The following SLC22A3 variants were observed in gnomAD, a reference collection of about 807,000 sequenced individuals.
SLC22A3 encodes solute carrier family 22 member 3.
SLC22A3 carries 51 observed loss-of-function variants against 59.1 expected under a neutral mutation model. That is an observed-to-expected ratio of 0.86 (90% CI 0.69 to 1.09). SLC22A3 has a LOEUF of 1.09. Among genes scored for constraint, SLC22A3 ranks in the 50% least tolerant of loss-of-function variants. The probability of loss-of-function intolerance (pLI) is 0.00; values close to 1 mark genes in which losing one functional copy is unlikely to be tolerated. For synonymous variants in SLC22A3, 325 were observed against 292.0 expected (o/e 1.11, Z -1.15); for missense variants, 711 against 726.3 (o/e 0.98, Z 0.24).
At chr6:160,438,345 C>G (rs1410093390) in intron 7 of SLC22A3, among the ~76,000 whole-genome samples, 1 of 152,068 alleles carries the variant, frequency 6.6e-6, no homozygotes, top group East Asian at 1.9e-4. Context: ...CCAGGAAAGG[C>G]AAAGTGGGGA....
chr6:160,378,634 C>T (rs1036235463), intron 1 of SLC22A3, among the ~76,000 whole-genome samples: 1 of 152,138 alleles, frequency 6.6e-6, no homozygotes, highest in Admixed American at 6.5e-5. Flanking sequence ...GGATCACATC[C>T]AGATACACCC....
At chr6:160,423,469 TTCTCCACATCC>T (rs1193699127) in intron 5 of SLC22A3, among the ~76,000 whole-genome samples, 25 of 145,450 alleles carry the variant, frequency 1.7e-4, no homozygotes, top group Non-Finnish European at 3.0e-4. Context: ...GTGTTTCTAT[TTCTCCACATCC>T]TCTCCAGCAC....
At chr6:160,432,156 A>C (rs1788172868) in intron 5 of SLC22A3, among the ~76,000 whole-genome samples, 1 of 152,198 alleles carries the variant, frequency 6.6e-6, no homozygotes. Flanking sequence ...CATTGGCCCG[A>C]ATTGGGTTGT....
At chr6:160,355,597 T>TGA (rs1784808051) in intron 1 of SLC22A3, among the ~76,000 whole-genome samples, 1 of 143,562 alleles carries the variant, frequency 7.0e-6, no homozygotes, top group African/African-American at 2.6e-5. Flanking sequence ...CCGTCTCTAC[T>TGA]AAAAAAAAAA....
intron 1 of SLC22A3, among the ~76,000 whole-genome samples, chr6:160,366,073 A>G (rs1785194268): frequency 6.6e-6 from 1 of 152,160 alleles, no homozygotes; most frequent in Non-Finnish European, 1.5e-5. Context: ...TTGGGTGGGA[A>G]CACAGCCAAA....
At chr6:160,387,294 T>A (rs1018251705) in intron 1 of SLC22A3, among the ~76,000 whole-genome samples, 3 of 152,038 alleles carry the variant, frequency 2.0e-5, no homozygotes, top group African/African-American at 7.2e-5. Context: ...GGGAGGAGCA[T>A]TGGACAGAGG....
intron 5 of SLC22A3, among the ~76,000 whole-genome samples, chr6:160,433,548 A>ACTACTACTG (rs1400082272): frequency 2.6e-5 from 4 of 151,078 alleles, no homozygotes; most frequent in Non-Finnish European, 3.0e-5. Flanking sequence ...TACTACTACT[A>ACTACTACTG]CTGCTACTAA....
chr6:160,394,230 A>G (rs1786381438), intron 1 of SLC22A3, among the ~76,000 whole-genome samples: 1 of 152,232 alleles, frequency 6.6e-6, no homozygotes, highest in South Asian at 2.1e-4. Context: ...ACTTAAGTGA[A>G]TTGTTGGTGA....
rs757806197 is a variant in SLC22A3, at chr6:160,398,010, T to C, written c.461T>C (p.Leu154Pro). 1.2e-6 allele frequency: 2 copies of C among 1,613,776 alleles called. No individual in the cohort carries two copies. The highest frequency in any genetic ancestry group is 3.3e-5 in the Admixed American group (2 of 60,014). The change falls in exon 2 of 11, where the codon CTG becomes CCG. Residue 154 changes from leucine to proline, a missense_variant. Coordinates refer to ENST00000275300, the MANE Select transcript of SLC22A3 (RefSeq NM_021977.4). Reference sequence around the variant, plus strand: ...CTTGTCTGTGTCAATGCGTGGATGCTGGACCTCACCCAAGCCATCCTGAAC... The same window carrying C: ...CTTGTCTGTGTCAATGCGTGGATGCCGGACCTCACCCAAGCCATCCTGAAC... The part of the protein sequence containing the change: ...FDLVCVNAWM[L>P]DLTQAILNLG...
At chr6:160,437,460 T>G (rs897420956) in intron 7 of SLC22A3, among the ~76,000 whole-genome samples, 5 of 152,240 alleles carry the variant, frequency 3.3e-5, no homozygotes, top group Admixed American at 6.5e-5. Context: ...ATCTAGCTGA[T>G]AGCGATGTGG....
At chr6:160,373,466 A>C (rs1199227468) in intron 1 of SLC22A3, among the ~76,000 whole-genome samples, 1 of 152,208 alleles carries the variant, frequency 6.6e-6, no homozygotes, top group Non-Finnish European at 1.5e-5. Context: ...GGTGTCTCCC[A>C]GTCAGGAGGC....
At chr6:160,399,331 G>T (rs1786660604) in intron 2 of SLC22A3, among the ~76,000 whole-genome samples, 1 of 151,946 alleles carries the variant, frequency 6.6e-6, no homozygotes, top group African/African-American at 2.4e-5. Context: ...CTACAATTTG[G>T]AACTGTGCAG....
At chr6:160,375,029 C>G (rs949685071) in intron 1 of SLC22A3, among the ~76,000 whole-genome samples, 1 of 152,158 alleles carries the variant, frequency 6.6e-6, no homozygotes, top group African/African-American at 2.4e-5. Context: ...CCACTTCCGT[C>G]CTAATGGGGA....
chr6:160,389,399 C>T (rs1786154776), intron 1 of SLC22A3, among the ~76,000 whole-genome samples: 1 of 152,136 alleles, frequency 6.6e-6, no homozygotes, highest in Non-Finnish European at 1.5e-5. Flanking sequence ...TCCAACGTGG[C>T]CATGTGGGAG....
chr6:160,374,530 A>C (rs558672897), intron 1 of SLC22A3, among the ~76,000 whole-genome samples: 1 of 152,226 alleles, frequency 6.6e-6, no homozygotes, highest in Non-Finnish European at 1.5e-5. Flanking sequence ...CACTGGCTTC[A>C]TATGCTCATG....
chr6:160,367,354 C>T (rs1477769789), intron 1 of SLC22A3, among the ~76,000 whole-genome samples: 1 of 152,134 alleles, frequency 6.6e-6, no homozygotes, highest in Non-Finnish European at 1.5e-5. Flanking sequence ...CCCCATGATT[C>T]AATTACCTTC....
At chr6:160,364,058 A>G (rs560423112) in intron 1 of SLC22A3, among the ~76,000 whole-genome samples, 1 of 152,298 alleles carries the variant, frequency 6.6e-6, no homozygotes, top group South Asian at 2.1e-4. Context: ...GCTGTGAATT[A>G]TTTGCATGTA....
At chr6:160,358,014 C>G (rs1427026079) in intron 1 of SLC22A3, among the ~76,000 whole-genome samples, 1 of 152,132 alleles carries the variant, frequency 6.6e-6, no homozygotes, top group Non-Finnish European at 1.5e-5. Flanking sequence ...ATTTTAATTC[C>G]AACCAAGTTG....
intron 1 of SLC22A3, among the ~76,000 whole-genome samples, chr6:160,372,453 G>T (rs1332922426): frequency 6.6e-6 from 1 of 152,028 alleles, no homozygotes; most frequent in African/African-American, 2.4e-5. Context: ...TTCAACCTTG[G>T]TGAATCTGAC....
Sources: allele counts gnomAD v4.1 joint callset (sites outside exome capture counted in the v4.1 genomes callset), GRCh38; gene constraint gnomAD v4.1.1; transcripts MANE v1.5; gene names NCBI Gene and HGNC (gene_info 2026-07-23, HGNC 2026-07-21).